Variants in CCT3 observed in about 807,000 individuals in gnomAD.
The protein encoded by CCT3 is T-complex protein 1 subunit gamma.
Under a neutral mutation model 65.3 loss-of-function variants are expected in CCT3, and 10 were observed. That is an observed-to-expected ratio of 0.15 (90% CI 0.09 to 0.26). The LOEUF is 0.26. CCT3 is among the 10% of genes least tolerant of loss of function. The pLI, the probability that CCT3 is intolerant of heterozygous loss-of-function variation, is 1.00. For synonymous variants in CCT3, 225 were observed against 242.3 expected, an observed-to-expected ratio of 0.93 and a Z score of 0.66; for missense variants, 626 against 708.7, an observed-to-expected ratio of 0.88 and a Z score of 1.33.
intron 1 of CCT3, chr1:156,337,363 G>C: frequency 1.4e-5 from 3 of 209,832 alleles, no homozygotes; most frequent in Admixed American, 1.1e-4. Context: ...AACAGAGATC[G>C]CGCCACTGCA....
In CCT3 at chr1:156,320,889, C is replaced by G. The variant is rs748666827; in HGVS notation, c.559G>C (p.Glu187Gln). The change falls in exon 7 of 14, where the codon GAG (glutamate) becomes CAG (glutamine). Residue 187 changes from glutamate (E) to glutamine (Q), a missense_variant. Transcript: ENST00000295688. ...ATGTCAATCTCTTTCCGACCATTCT[C>G]CTCAAACTGTACCATCTTGACAGCA... The part of the protein sequence containing the change: ...LDAVKMVQFE[E>Q]NGRKEIDIKK... 6 of 1,613,910 alleles carry G rather than the reference C, an allele frequency of 3.7e-6. No individual in the cohort carries two copies. The South Asian group carries it at 5.5e-5, about 15-fold the overall frequency.
chr1:156,320,812 C>T lies in CCT3; in HGVS notation c.609+27G>A, dbSNP rs770782487. ...TGACTCATGCTAACATATAATTTGA[C>T]CCAATGTATACACTTTGAAAGTTTA... On this transcript the variant is annotated intron_variant, in intron 7 of 13. Transcript: ENST00000295688. The T allele has an allele frequency of 3.6e-5, 52 of 1,451,400 alleles. No individual in the cohort carries two copies. The South Asian group carries it at 5.9e-4, about 16-fold the overall frequency. The allele number at this position is 1,451,400 out of a possible 1,614,324, so 89.9% of individuals were successfully genotyped here.
At chr1:156,323,711 C>T (rs1324336415) in intron 6 of CCT3, among the ~76,000 whole-genome samples, 1 of 151,976 alleles carries the variant, frequency 6.6e-6, no homozygotes, top group African/African-American at 2.4e-5. Context: ...GTGATCCGCC[C>T]GCCTCCGCCT....
At chr1:156,319,737 CT>C (rs1299692383) in intron 7 of CCT3, among the ~76,000 whole-genome samples, 1 of 152,046 alleles carries the variant, frequency 6.6e-6, no homozygotes, top group Non-Finnish European at 1.5e-5. Context: ...GCTTAGGTCT[CT>C]CCAATTAAAA....
At position 156,318,857 on chromosome 1, in the gene CCT3, A is replaced by G; in HGVS notation, c.759+11T>C. The G allele has an allele frequency of 6.2e-7, 1 of 1,609,498 alleles. No individual in the cohort carries two copies. Among genetic ancestry groups the G allele is most frequent in the Non-Finnish European group, 8.5e-7 (1 of 1,178,446 alleles). Reference sequence around the variant, plus strand: ...TGCATCTACTTTAAGGAACAAGGCCAAGAACCTTACCTGGCTTTCTCCTTT... The same window carrying G: ...TGCATCTACTTTAAGGAACAAGGCCGAGAACCTTACCTGGCTTTCTCCTTT... On this transcript the variant is annotated intron_variant, in intron 8 of 13. Transcript: ENST00000295688.
intron 5 of CCT3, among the ~76,000 whole-genome samples, chr1:156,328,865 TAAAAAAA>T (rs138492431): frequency 1.9e-4 from 28 of 146,004 alleles, no homozygotes; most frequent in African/African-American, 4.9e-4. Flanking sequence ...AAAATAAAAA[TAAAAAAA>T]AAAAATGTAC....
chr1:156,319,801 C>T (rs753706999), intron 7 of CCT3, among the ~76,000 whole-genome samples: 2 of 152,138 alleles, frequency 1.3e-5, no homozygotes, highest in Non-Finnish European at 2.9e-5. Context: ...CTACTGGCCA[C>T]AAGCTATACT....
In CCT3 at chr1:156,311,205, G is replaced by A; in HGVS notation, c.1156-10C>T. 1.2e-6 allele frequency: 2 copies of A among 1,612,752 alleles called. No homozygotes were observed. Among genetic ancestry groups the A allele is most frequent in the East Asian group, 2.2e-5 (1 of 44,874 alleles). ...GGTTGCGTTCTACTTCCTTGGAGAA[G>A]CAAACAGACAGTATGAAGCCAAAGC... On this transcript the variant is annotated splice_polypyrimidine_tract_variant and intron_variant, in intron 11 of 13. Coordinates refer to ENST00000295688, the MANE Select transcript of CCT3 (RefSeq NM_005998.5).
chr1:156,315,458 C>T (rs992713755), intron 10 of CCT3, among the ~76,000 whole-genome samples: 5 of 152,202 alleles, frequency 3.3e-5, no homozygotes, highest in African/African-American at 1.2e-4. Context: ...ATCCACCTGC[C>T]TTGGCCTCCC....
Position 156,318,974 on chromosome 1 carries a change from A to G in CCT3, c.653T>C (p.Val218Ala), listed in dbSNP as rs764219071. The G allele has an allele frequency of 6.8e-6, 11 of 1,613,748 alleles. No individual in the cohort carries two copies. In the East Asian group the frequency reaches 2.2e-4, roughly 33 times the overall value. Residue 218 changes from valine (V) to alanine (A), a missense_variant, in exon 8 of 14, where the codon GTC becomes GCC. By Grantham distance (64) the Val-to-Ala change is moderately conservative. Transcript: ENST00000295688. ...ATGGGTCACATCCTTGTTAATCATG[A>G]CTCCACGCAAGACACAGGAGTCTTC... ...IIEDSCVLRG[V>A]MINKDVTHPR...
chr1:156,311,806 TTAACA>T (rs1217506768), intron 11 of CCT3, among the ~76,000 whole-genome samples: 1 of 152,190 alleles, frequency 6.6e-6, no homozygotes, highest in Non-Finnish European at 1.5e-5. Context: ...ATGAATATAC[TTAACA>T]TTACTGAACT....
chr1:156,313,402 G>T (rs946485354), intron 10 of CCT3, among the ~76,000 whole-genome samples: 2 of 150,306 alleles, frequency 1.3e-5, no homozygotes, highest in African/African-American at 4.9e-5. Context: ...AGGAGAAATG[G>T]TATCTGCCTA....
chr1:156,309,025 A>T lies in CCT3; in HGVS notation c.*174T>A. On this transcript the variant is annotated 3_prime_UTR_variant, in exon 14 of 14. Transcript: ENST00000295688. ...ACTAAATGGAAACCTTACAATAGAG[A>T]AGAATTACATGTCAGTGTCTTTTGG... The T allele has an allele frequency of 1.7e-6, 1 of 572,810 alleles. No individual in the cohort carries two copies. Among genetic ancestry groups the T allele is most frequent in the South Asian group, 2.4e-5 (1 of 42,316 alleles). The allele number at this position is 572,810 out of a possible 1,614,324, so 35.5% of individuals were successfully genotyped here. A position where few individuals can be genotyped will look rare whatever the true frequency, so the allele number is the denominator to read the frequency against.
intron 6 of CCT3, among the ~76,000 whole-genome samples, chr1:156,324,437 C>T (rs1367373353): frequency 6.6e-6 from 1 of 152,238 alleles, no homozygotes. Context: ...TAAACCTTAA[C>T]TAAAATTCCC....
At chr1:156,310,009 G>A (rs1204035177) in intron 13 of CCT3, among the ~76,000 whole-genome samples, 4 of 123,102 alleles carry the variant, frequency 3.2e-5, no homozygotes, top group African/African-American at 1.3e-4. Context: ...CTGCACTCCA[G>A]CCTGGGCAAC....
At chr1:156,310,825 A>C in intron 12 of CCT3, 125 bp downstream of exon 12, 3 of 1,456,058 alleles carry the variant, frequency 2.1e-6, no homozygotes. Flanking sequence ...CAAAGACTAA[A>C]AGGAGAGAAA....
intron 5 of CCT3, among the ~76,000 whole-genome samples, chr1:156,327,921 G>A (rs1664902244): frequency 1.1e-5 from 1 of 90,048 alleles, no homozygotes; most frequent in Non-Finnish European, 3.0e-5. Context: ...GATGTGAGGA[G>A]CGCCTCTGCC....
At chr1:156,313,014 C>T (rs1227038254) in intron 10 of CCT3, among the ~76,000 whole-genome samples, 1 of 152,096 alleles carries the variant, frequency 6.6e-6, no homozygotes, top group East Asian at 1.9e-4. Flanking sequence ...TTCTGCTGAC[C>T]AAGAAACAGC....
At chr1:156,309,518 C>A (rs1451173451) in intron 13 of CCT3, among the ~76,000 whole-genome samples, 1 of 151,996 alleles carries the variant, frequency 6.6e-6, no homozygotes, top group African/African-American at 2.4e-5. Flanking sequence ...CCTCCGCCTC[C>A]CGGGTTCAAG....
Sources: gnomAD v4.1 joint callset for allele counts (sites outside exome capture counted in the v4.1 genomes callset) on GRCh38, gnomAD v4.1.1 for gene constraint, MANE v1.5 for transcripts, NCBI Gene and HGNC (gene_info 2026-07-23, HGNC 2026-07-21) for gene names.